ARHGEF26: variants seen among roughly 807,000 people sequenced by gnomAD.
ARHGEF26 encodes Rho guanine nucleotide exchange factor 26.
A neutral mutation model predicts 89.4 loss-of-function variants in ARHGEF26; 59 were observed. That is an observed-to-expected ratio of 0.66 (90% CI 0.54 to 0.82). ARHGEF26 has a LOEUF of 0.82. ARHGEF26 is among the 40% of genes least tolerant of loss of function. The pLI is 0.00. For synonymous variants in ARHGEF26, 500 were observed against 428.4 expected (o/e 1.17, Z -2.06); for missense variants, 1,234 against 1,085.6 (o/e 1.14, Z -1.92).
intron 12 of ARHGEF26, among the ~76,000 whole-genome samples, chr3:154,246,120 G>T (rs1234848821): frequency 6.6e-6 from 1 of 152,162 alleles, no homozygotes; most frequent in Admixed American, 6.5e-5. Flanking sequence ...TGCTAATTGG[G>T]GGGTGGTGAG....
intron 8 of ARHGEF26, 111 bp downstream of exon 8, chr3:154,191,529 A>C: frequency 3.8e-6 from 5 of 1,305,424 alleles, no homozygotes; most frequent in Non-Finnish European, 5.1e-6. Flanking sequence ...AGGTCTAAAA[A>C]TCCCCCAATT....
intron 4 of ARHGEF26, among the ~76,000 whole-genome samples, chr3:154,146,465 T>C (rs1719714580): frequency 6.6e-6 from 1 of 152,210 alleles, no homozygotes; most frequent in Admixed American, 6.5e-5. Context: ...AGTTTACCCT[T>C]TTACAAATTT....
At chr3:154,194,448 C>A (rs76633531) in intron 8 of ARHGEF26, among the ~76,000 whole-genome samples, 196 bp from the exon 9 acceptor site, 2,837 of 152,242 alleles carry the variant, frequency 0.019, 75 homozygotes, top group African/African-American at 0.064. Context: ...CTTAACCATT[C>A]CCTGGATGGA....
At chr3:154,232,432 T>A (rs997166871) in intron 11 of ARHGEF26, among the ~76,000 whole-genome samples, 12 of 152,352 alleles carry the variant, frequency 7.9e-5, no homozygotes, top group African/African-American at 2.9e-4. Context: ...CAAGTAAGCC[T>A]ATTTGAAATC....
intron 6 of ARHGEF26, among the ~76,000 whole-genome samples, chr3:154,182,330 GATTCATGA>G (rs894609759): frequency 6.6e-6 from 1 of 152,106 alleles, no homozygotes; most frequent in Non-Finnish European, 1.5e-5. Flanking sequence ...GGATGAGTGG[GATTCATGA>G]GGGAAAAAGG....
intron 9 of ARHGEF26, among the ~76,000 whole-genome samples, chr3:154,216,684 CT>C (rs1465251815): frequency 3.8e-5 from 3 of 78,174 alleles, no homozygotes; most frequent in African/African-American, 1.1e-4. Context: ...TCCCTCCCCC[CT>C]TCCCCCACCC....
chr3:154,210,908 A>C (rs1375305770), intron 9 of ARHGEF26, among the ~76,000 whole-genome samples: 1 of 150,416 alleles, frequency 6.6e-6, no homozygotes, highest in Admixed American at 6.6e-5. Context: ...GCACCATTGC[A>C]CTCTAGCCTG....
intron 4 of ARHGEF26, among the ~76,000 whole-genome samples, chr3:154,139,512 G>C (rs1560047491): frequency 6.6e-6 from 1 of 152,286 alleles, no homozygotes; most frequent in East Asian, 1.9e-4. Context: ...CTGAATAACT[G>C]CATAGAAAGG....
At chr3:154,179,638 A>T (rs1713060228) in intron 6 of ARHGEF26, among the ~76,000 whole-genome samples, 1 of 152,166 alleles carries the variant, frequency 6.6e-6, no homozygotes, top group African/African-American at 2.4e-5. Flanking sequence ...GTAGGCATTC[A>T]CTAAGTAGTC....
intron 9 of ARHGEF26, among the ~76,000 whole-genome samples, chr3:154,213,389 C>T (rs1024572317): frequency 6.6e-6 from 1 of 152,016 alleles, no homozygotes; most frequent in Non-Finnish European, 1.5e-5. Flanking sequence ...ATAAAAACAG[C>T]AGAACATGTA....
At chr3:154,253,969 G>A (rs1014695880) in intron 13 of ARHGEF26, among the ~76,000 whole-genome samples, 6 of 152,082 alleles carry the variant, frequency 3.9e-5, no homozygotes, top group African/African-American at 9.7e-5. Flanking sequence ...ATGGAGTCTC[G>A]CTCTGGTGCT....
intron 12 of ARHGEF26, among the ~76,000 whole-genome samples, chr3:154,242,375 G>A (rs1331403565): frequency 1.3e-5 from 2 of 152,274 alleles, no homozygotes; most frequent in South Asian, 4.1e-4. Context: ...CAACTCTCAT[G>A]GATGACTTTG....
chr3:154,164,673 G>A (rs1469824883), intron 6 of ARHGEF26, among the ~76,000 whole-genome samples: 3 of 152,102 alleles, frequency 2.0e-5, no homozygotes, highest in South Asian at 2.1e-4. Flanking sequence ...AGAGTAATAC[G>A]AATGACCAGA....
rs766505826 is a variant in ARHGEF26 at position 154,122,985 on chromosome 3, C to G, written c.993C>G (p.Thr331=). 3 of 1,613,818 alleles carry G rather than the reference C, an allele frequency of 1.9e-6. No homozygotes were observed. Among genetic ancestry groups the G allele is most frequent in the East Asian group, 2.2e-5 (1 of 44,856 alleles). Residue 331 remains threonine, a synonymous_variant, in exon 2 of 15, where the codon ACC becomes ACG. Transcript: ENST00000465093. ...VVSGFDFDSP[T]SSKKKNRMSQ... ...GTGGCTTTGATTTTGACAGTCCTAC[C>G]AGCTCGAAGAAGAAGAACAGAATGT...
intron 11 of ARHGEF26, among the ~76,000 whole-genome samples, chr3:154,239,551 C>T (rs34385777): frequency 0.15 from 22,545 of 151,854 alleles, 2,089 homozygotes; most frequent in East Asian, 0.38. Context: ...TCTCAGGAGA[C>T]GCCTTGTTCT....
chr3:154,255,759 G>T lies in ARHGEF26; in HGVS notation c.*286G>T. 8.4e-7 allele frequency: 1 copy of T among 1,189,572 alleles called. No homozygotes were observed. Among genetic ancestry groups the T allele is most frequent in the Non-Finnish European group, 1.0e-6 (1 of 961,172 alleles). The allele number at this position is 1,189,572 out of a possible 1,614,324, so 73.7% of individuals were successfully genotyped here. A position where few individuals can be genotyped will look rare whatever the true frequency, so the allele number is the denominator to read the frequency against. ...GATCAGGTCATCTCTGCTCCTCCTA[G>T]TTTCACCATGTTCTGGCAATAAAAA... On this transcript the variant is annotated 3_prime_UTR_variant, in exon 15 of 15. Transcript: ENST00000465093.
At chr3:154,145,687 C>G (rs1051871466) in intron 4 of ARHGEF26, among the ~76,000 whole-genome samples, 1 of 152,146 alleles carries the variant, frequency 6.6e-6, no homozygotes, top group African/African-American at 2.4e-5. Context: ...AAGAGGGCAT[C>G]AGAACATAAA....
intron 4 of ARHGEF26, among the ~76,000 whole-genome samples, chr3:154,132,763 G>A (rs904971732): frequency 1.3e-5 from 2 of 151,800 alleles, no homozygotes; most frequent in African/African-American, 4.8e-5. Context: ...AGAGTTGGAG[G>A]TCTATATATA....
At chr3:154,197,288 ATCT>A (rs1470661581) in intron 9 of ARHGEF26, among the ~76,000 whole-genome samples, 13 of 152,284 alleles carry the variant, frequency 8.5e-5, no homozygotes, top group South Asian at 2.1e-4. Flanking sequence ...TCAATAATTA[ATCT>A]TCTTTTTTAT....
Sources: allele counts gnomAD v4.1 joint callset (sites outside exome capture counted in the v4.1 genomes callset), GRCh38; gene constraint gnomAD v4.1.1; transcripts MANE v1.5; gene names NCBI Gene and HGNC (gene_info 2026-07-23, HGNC 2026-07-21).